The following RBPJ variants were observed in gnomAD, a reference collection of about 807,000 sequenced individuals.
RBPJ encodes recombining binding protein suppressor of hairless.
In RBPJ, 9 loss-of-function variants were observed where a neutral mutation model predicts 67.8. The observed-to-expected ratio is 0.13, with a 90% CI of 0.08 to 0.23. RBPJ has a LOEUF of 0.23. Ranked by LOEUF, RBPJ falls within the 10% of genes least tolerant of loss-of-function variation. The pLI, the probability that RBPJ is intolerant of heterozygous loss-of-function variation, is 1.00. For missense variants in RBPJ, 305 were observed against 595.6 expected, an observed-to-expected ratio of 0.51 and a Z score of 5.08; for synonymous variants, 198 against 203.3, an observed-to-expected ratio of 0.97 and a Z score of 0.22.
chr4:26,269,142 T>C (rs191512950), intron 1 of RBPJ, among the ~76,000 whole-genome samples: 37 of 151,992 alleles, frequency 2.4e-4, no homozygotes, highest in African/African-American at 8.5e-4. Context: ...CCAATTCCCT[T>C]CCCTCTGAGC....
chr4:26,316,635 GATATATATATACACATATTGAT>G (rs1347798088), upstream of RBPJ, among the ~76,000 whole-genome samples: 128 of 131,574 alleles, frequency 9.7e-4, no homozygotes, highest in Middle Eastern at 4.4e-3. Flanking sequence ...TACACATATT[GATATATATATACACATATTGAT>G]ATATATATAT....
intron 2 of RBPJ, among the ~76,000 whole-genome samples, chr4:26,402,733 GT>G (rs1159009460): frequency 6.6e-6 from 1 of 152,166 alleles, no homozygotes; most frequent in Non-Finnish European, 1.5e-5. Flanking sequence ...CTGTCAATGT[GT>G]TTTTGTTCTG....
At chr4:26,152,682 A>C in the RBPJ span, among the ~76,000 whole-genome samples, 1 of 152,228 alleles carries the variant, frequency 6.6e-6, no homozygotes, top group Non-Finnish European at 1.5e-5. Flanking sequence ...CAGGACTTGA[A>C]CCCAGGTTGT....
chr4:26,360,613 A>G (rs1181197558), intron 1 of RBPJ, among the ~76,000 whole-genome samples: 2 of 88,762 alleles, frequency 2.3e-5, no homozygotes, highest in African/African-American at 4.4e-5. Flanking sequence ...TTTTTTTTTG[A>G]GACAGAGTCT....
At chr4:26,197,758 T>TGTCTTCTG (rs1227576950) in intron 1 of RBPJ, among the ~76,000 whole-genome samples, 1 of 152,094 alleles carries the variant, frequency 6.6e-6, no homozygotes, top group Non-Finnish European at 1.5e-5. Flanking sequence ...CCTGGCCGCT[T>TGTCTTCTG]GTCTTCTGAC....
chr4:26,287,209 A>G (rs1427469116), intron 1 of RBPJ, among the ~76,000 whole-genome samples: 10 of 152,092 alleles, frequency 6.6e-5, no homozygotes, highest in African/African-American at 2.4e-5. Context: ...TCTGTGCTCA[A>G]AAATAAAGGA....
the RBPJ span, among the ~76,000 whole-genome samples, chr4:26,111,650 T>C: frequency 6.6e-6 from 1 of 152,234 alleles, no homozygotes; most frequent in Admixed American, 6.5e-5. Flanking sequence ...CCCTGGCCTC[T>C]GGTCGCACAT....
the RBPJ span, among the ~76,000 whole-genome samples, chr4:26,116,573 A>G: frequency 2.0e-5 from 3 of 152,178 alleles, no homozygotes; most frequent in African/African-American, 7.2e-5. Context: ...GCTCCCCGGG[A>G]CATGCCATGT....
upstream of RBPJ, among the ~76,000 whole-genome samples, chr4:26,163,162 C>T (rs1408425695): frequency 6.6e-6 from 1 of 152,102 alleles, no homozygotes; most frequent in Admixed American, 6.5e-5. Context: ...AACATCAAGG[C>T]AGTCACTAAA....
Position 26,261,820 on chromosome 4 carries a change from A to G in RBPJ, c.-167+98206A>G, listed in dbSNP as rs577424933. ...GGATAATTTTAGCCAGAAGTTCAAA[A>G]ACATGTGTTTAATTGATTTGCCATC... On this transcript the variant is annotated intron_variant, in intron 1 of 4. Coordinates refer to the RBPJ transcript ENST00000512351. 3.3e-5 allele frequency among the ~76,000 whole-genome samples: 5 copies of G among 152,350 alleles called. No homozygotes were observed. The East Asian group carries it at 9.6e-4, about 29-fold the overall frequency.
intron 1 of RBPJ, among the ~76,000 whole-genome samples, chr4:26,349,105 T>A (rs945934878): frequency 6.6e-6 from 1 of 151,124 alleles, no homozygotes; most frequent in Non-Finnish European, 1.5e-5. Context: ...CGCACGCACT[T>A]GCCAGGCTCT....
chr4:26,367,360 C>T (rs1245016318), intron 1 of RBPJ, among the ~76,000 whole-genome samples: 1 of 151,972 alleles, frequency 6.6e-6, no homozygotes, highest in African/African-American at 2.4e-5. Flanking sequence ...ATCTCAACTA[C>T]TTGGGAGGCT....
chr4:26,114,971 T>A, the RBPJ span, among the ~76,000 whole-genome samples: 1 of 152,178 alleles, frequency 6.6e-6, no homozygotes, highest in Non-Finnish European at 1.5e-5. Flanking sequence ...TTCACTATGA[T>A]CTTTGTTGTT....
chr4:26,318,719 C>T (rs78119051), upstream of RBPJ, among the ~76,000 whole-genome samples: 843 of 152,196 alleles, frequency 5.5e-3, 10 homozygotes, highest in African/African-American at 0.019. Flanking sequence ...CCAATTGCTG[C>T]CAGGCGCGGT....
intron 1 of RBPJ, among the ~76,000 whole-genome samples, chr4:26,170,273 G>T (rs1716521221): frequency 2.0e-5 from 3 of 152,156 alleles, no homozygotes; most frequent in Admixed American, 6.5e-5. Flanking sequence ...AGTCATGGTG[G>T]CTCCTGCCTA....
At chr4:26,193,116 C>T (rs566024560) in intron 1 of RBPJ, among the ~76,000 whole-genome samples, 8 of 152,286 alleles carry the variant, frequency 5.3e-5, no homozygotes, top group African/African-American at 1.4e-4. Context: ...GCCCTGCTGA[C>T]GTGGCACTTT....
At chr4:26,179,244 T>C (rs906905471) in intron 1 of RBPJ, among the ~76,000 whole-genome samples, 1 of 151,626 alleles carries the variant, frequency 6.6e-6, no homozygotes, top group Admixed American at 6.6e-5. Flanking sequence ...AGCTGTCATC[T>C]TCTGCTTGAG....
chr4:26,385,087 C>G (rs1384573971), intron 1 of RBPJ, among the ~76,000 whole-genome samples: 2 of 146,676 alleles, frequency 1.4e-5, no homozygotes, highest in Non-Finnish European at 3.0e-5. Context: ...GTGGCGTGAT[C>G]TTGGCTCACT....
At chr4:26,258,360 C>T (rs1255020865) in intron 1 of RBPJ, among the ~76,000 whole-genome samples, 2 of 152,216 alleles carry the variant, frequency 1.3e-5, no homozygotes, top group Non-Finnish European at 2.9e-5. Flanking sequence ...CTGTAGGGCT[C>T]ACAATCAAAC....
Sources: gnomAD v4.1 joint callset for allele counts (sites outside exome capture counted in the v4.1 genomes callset) on GRCh38, gnomAD v4.1.1 for gene constraint, MANE v1.5 for transcripts, NCBI Gene and HGNC (gene_info 2026-07-23, HGNC 2026-07-21) for gene names.